MAP3K5: variants seen among roughly 807,000 people sequenced by gnomAD.
MAP3K5 encodes the protein mitogen-activated protein kinase kinase kinase 5.
A neutral mutation model predicts 158.7 loss-of-function variants in MAP3K5; 56 were observed. The ratio of observed to expected loss-of-function variants is 0.35; its 90% CI spans 0.28 to 0.44. The LOEUF is 0.44. Ranked by LOEUF, MAP3K5 falls within the 20% of genes least tolerant of loss-of-function variation. The pLI, the probability that MAP3K5 is intolerant of heterozygous loss-of-function variation, is 1.00. For synonymous variants in MAP3K5, 579 were observed against 601.7 expected (o/e 0.96, Z 0.55); for missense variants, 1,294 against 1,674.8 (o/e 0.77, Z 3.97).
At chr6:136,772,004 G>A (rs1266996364) in intron 1 of MAP3K5, among the ~76,000 whole-genome samples, 1 of 150,836 alleles carries the variant, frequency 6.6e-6, no homozygotes, top group Non-Finnish European at 1.5e-5. Flanking sequence ...TGCTTCCCAG[G>A]TTCAAGCGAT....
chr6:136,727,748 C>A (rs1782029897), intron 1 of MAP3K5, among the ~76,000 whole-genome samples: 1 of 152,100 alleles, frequency 6.6e-6, no homozygotes, highest in Non-Finnish European at 1.5e-5. Flanking sequence ...ACCACAAGGT[C>A]AGGAGATCGA....
chr6:136,567,479 G>A (rs1490407322), intron 26 of MAP3K5, 152 bp downstream of exon 26: 1 of 800,502 alleles, frequency 1.2e-6, no homozygotes, highest in Non-Finnish European at 1.9e-6. Context: ...TGACAAAAGA[G>A]GCTAAACTAA....
chr6:136,660,322 T>A (rs971693054), intron 8 of MAP3K5, among the ~76,000 whole-genome samples: 2 of 151,634 alleles, frequency 1.3e-5, no homozygotes, highest in African/African-American at 2.4e-5. Flanking sequence ...AGGGCCGAGG[T>A]GGGAGGATTG....
At chr6:136,606,081 G>A (rs1310381727) in intron 18 of MAP3K5, among the ~76,000 whole-genome samples, 1 of 152,182 alleles carries the variant, frequency 6.6e-6, no homozygotes, top group Admixed American at 6.5e-5. Flanking sequence ...GGCCGGGTGC[G>A]GTGGCTCACG....
intron 21 of MAP3K5, among the ~76,000 whole-genome samples, chr6:136,593,353 T>C (rs144795784): frequency 1.9e-3 from 284 of 152,352 alleles, no homozygotes; most frequent in African/African-American, 6.5e-3. Context: ...CTTCATAGGT[T>C]GCTCTGGGTG....
intron 24 of MAP3K5, among the ~76,000 whole-genome samples, chr6:136,582,261 T>C (rs9376209): frequency 0.22 from 29,620 of 136,224 alleles, 3,498 homozygotes; most frequent in East Asian, 0.45. Context: ...CGTGTGTGTA[T>C]ACGTGTGTGT....
chr6:136,610,770 G>A (rs1281697038), intron 18 of MAP3K5, among the ~76,000 whole-genome samples: 1 of 151,502 alleles, frequency 6.6e-6, no homozygotes, highest in African/African-American at 2.4e-5. Context: ...GAAGAGAAAA[G>A]GGCCAAATCA....
intron 13 of MAP3K5, 93 bp downstream of exon 13, chr6:136,639,450 T>C (rs1410659214): frequency 4.6e-6 from 3 of 645,288 alleles, no homozygotes; most frequent in Non-Finnish European, 8.1e-6. Flanking sequence ...CACATAGCCA[T>C]GCATTCTTCA....
chr6:136,608,544 G>A (rs1222733946), intron 18 of MAP3K5, among the ~76,000 whole-genome samples: 3 of 152,134 alleles, frequency 2.0e-5, no homozygotes, highest in South Asian at 2.1e-4. Flanking sequence ...TAACAATGTC[G>A]GGAGTGGCTG....
At position 136,721,197 on chromosome 6, in the gene MAP3K5, G is replaced by A. The variant is rs150877016; in HGVS notation, c.449-608C>T. Among the ~76,000 whole-genome samples, 468 of 149,074 alleles carry A rather than the reference G, an allele frequency of 3.1e-3. 8 individuals are homozygous for A. The highest frequency in any genetic ancestry group is 3.8e-4 in the Non-Finnish European group (26 of 67,596). ...CTCATAAATTTCAACATTAAAACAC[G>A]TTAACTAAGGTTCCAAATAAGGAAA... On this transcript the variant is annotated intron_variant, in intron 1 of 29. Coordinates refer to ENST00000359015, the MANE Select transcript of MAP3K5 (RefSeq NM_005923.4).
intron 13 of MAP3K5, among the ~76,000 whole-genome samples, chr6:136,639,092 C>T (rs1777791794): frequency 1.3e-5 from 2 of 152,034 alleles, no homozygotes; most frequent in Non-Finnish European, 2.9e-5. Context: ...ACCAGAACGT[C>T]CAATATAATT....
At chr6:136,742,441 CA>C (rs996325020) in intron 1 of MAP3K5, among the ~76,000 whole-genome samples, 1 of 147,786 alleles carries the variant, frequency 6.8e-6, no homozygotes, top group Non-Finnish European at 1.5e-5. Context: ...AAAAAAAAAA[CA>C]AAAAACAAAA....
chr6:136,615,723 T>G (rs1776533730), intron 15 of MAP3K5, among the ~76,000 whole-genome samples: 1 of 152,138 alleles, frequency 6.6e-6, no homozygotes, highest in Admixed American at 6.5e-5. Flanking sequence ...CTATATATAA[T>G]CTAAATTGAA....
chr6:136,563,317 C>A (rs191417922), intron 26 of MAP3K5, among the ~76,000 whole-genome samples: 3 of 152,026 alleles, frequency 2.0e-5, no homozygotes, highest in East Asian at 3.9e-4. Flanking sequence ...CATGTATGGA[C>A]CCCCATTAAA....
chr6:136,720,637 C>T (rs1032070053), intron 1 of MAP3K5, 48 bp from the exon 2 acceptor site: 4 of 1,455,214 alleles, frequency 2.7e-6, no homozygotes, highest in South Asian at 2.6e-5. Flanking sequence ...CCAAATAATG[C>T]CCAATCAGCA....
At chr6:136,767,099 C>A (rs1175754984) in intron 1 of MAP3K5, among the ~76,000 whole-genome samples, 1 of 152,084 alleles carries the variant, frequency 6.6e-6, no homozygotes, top group Non-Finnish European at 1.5e-5. Context: ...TCACAAAGGA[C>A]AAGTTTATCT....
At chr6:136,780,190 T>C (rs1281258869) in intron 1 of MAP3K5, among the ~76,000 whole-genome samples, 7 of 152,242 alleles carry the variant, frequency 4.6e-5, no homozygotes, top group African/African-American at 1.7e-4. Context: ...TTGGCTATTT[T>C]ACAATGCTGT....
chr6:136,647,669 C>A (rs1160494617), intron 11 of MAP3K5: 1 of 152,272 alleles, frequency 6.6e-6, no homozygotes, highest in Non-Finnish European at 1.5e-5. Context: ...ACTCTGCCGG[C>A]CCCTGAACGT....
intron 10 of MAP3K5, among the ~76,000 whole-genome samples, chr6:136,653,422 G>A (rs1461924347): frequency 6.6e-6 from 1 of 152,128 alleles, no homozygotes; most frequent in African/African-American, 2.4e-5. Flanking sequence ...TTCAAAAGAA[G>A]GATAATGTTA....
Sources: allele counts gnomAD v4.1 joint callset (sites outside exome capture counted in the v4.1 genomes callset), GRCh38; gene constraint gnomAD v4.1.1; transcripts MANE v1.5; gene names NCBI Gene and HGNC (gene_info 2026-07-23, HGNC 2026-07-21).